Variants in FSTL5 observed in about 807,000 individuals in gnomAD.
The protein encoded by FSTL5 is follistatin like 5.
A neutral mutation model predicts 89.1 loss-of-function variants in FSTL5; 62 were observed. The ratio of observed to expected loss-of-function variants is 0.70; its 90% confidence interval spans 0.57 to 0.86. The LOEUF is 0.86. Among genes scored for constraint, FSTL5 ranks in the 40% least tolerant of loss-of-function variants. The pLI is 0.00. For synonymous variants in FSTL5, 383 were observed against 346.2 expected (o/e 1.11, Z -1.18); for missense variants, 1,057 against 1,001.6 (o/e 1.06, Z -0.75).
At chr4:161,429,937 T>G (rs1732296362) in intron 15 of FSTL5, among the ~76,000 whole-genome samples, 1 of 152,146 alleles carries the variant, frequency 6.6e-6, no homozygotes, top group African/African-American at 2.4e-5. Flanking sequence ...GATGTGACCT[T>G]TCAGACACAT....
chr4:161,907,330 A>G (rs1733566326), intron 4 of FSTL5, among the ~76,000 whole-genome samples: 1 of 152,104 alleles, frequency 6.6e-6, no homozygotes, highest in South Asian at 2.1e-4. Flanking sequence ...AATCAGTTCT[A>G]TGGCCTTATA....
chr4:162,001,946 A>G (rs571790242), intron 3 of FSTL5, among the ~76,000 whole-genome samples: 1 of 152,274 alleles, frequency 6.6e-6, no homozygotes, highest in Admixed American at 6.5e-5. Flanking sequence ...ACCTAGTCCT[A>G]AATAATATAA....
intron 11 of FSTL5, among the ~76,000 whole-genome samples, chr4:161,505,336 A>G (rs917565978): frequency 4.6e-5 from 7 of 152,198 alleles, no homozygotes; most frequent in African/African-American, 1.7e-4. Flanking sequence ...CACCTCAATA[A>G]AGTCTTTATA....
chr4:162,041,428 T>C (rs1338359702), intron 2 of FSTL5, among the ~76,000 whole-genome samples: 3 of 152,112 alleles, frequency 2.0e-5, no homozygotes, highest in Non-Finnish European at 2.9e-5. Context: ...GAAATGAAAG[T>C]AATTTTCTTA....
At chr4:161,465,047 G>T (rs1236891677) in intron 13 of FSTL5, among the ~76,000 whole-genome samples, 1 of 151,986 alleles carries the variant, frequency 6.6e-6, no homozygotes, top group Admixed American at 6.5e-5. Flanking sequence ...TACTATTGTT[G>T]ATGCCTTCAT....
intron 5 of FSTL5, among the ~76,000 whole-genome samples, chr4:161,771,589 T>A (rs1363743927): frequency 7.2e-5 from 11 of 152,130 alleles, no homozygotes; most frequent in Non-Finnish European, 1.5e-4. Context: ...GGGCCACTAC[T>A]CCTTTGCTAC....
intron 6 of FSTL5, among the ~76,000 whole-genome samples, chr4:161,707,154 G>A (rs1379247422): frequency 1.3e-5 from 2 of 151,588 alleles, no homozygotes; most frequent in Admixed American, 6.6e-5. Context: ...CATCTTTCTA[G>A]AAATACAAAT....
intron 4 of FSTL5, among the ~76,000 whole-genome samples, chr4:161,872,604 T>A (rs535896499): frequency 6.6e-6 from 1 of 152,156 alleles, no homozygotes; most frequent in Admixed American, 6.5e-5. Flanking sequence ...TTGGCACTTA[T>A]GATAAGAGTG....
intron 4 of FSTL5, among the ~76,000 whole-genome samples, chr4:161,879,372 A>C (rs1471167051): frequency 6.6e-6 from 1 of 152,166 alleles, no homozygotes; most frequent in East Asian, 1.9e-4. Flanking sequence ...ATTATTCATG[A>C]CACAGGAGCC....
intron 2 of FSTL5, among the ~76,000 whole-genome samples, chr4:162,093,863 TAG>T (rs1166830691): frequency 6.6e-6 from 1 of 152,124 alleles, no homozygotes; most frequent in Admixed American, 6.6e-5. Context: ...TAGGAAATTT[TAG>T]AGAGTCAATA....
At chr4:161,908,493 C>G (rs1340098648) in intron 4 of FSTL5, among the ~76,000 whole-genome samples, 4 of 151,870 alleles carry the variant, frequency 2.6e-5, no homozygotes, top group Non-Finnish European at 5.9e-5. Flanking sequence ...TATACTGATG[C>G]TCAATTAAAT....
chr4:162,116,537 T>G (rs1731647641), intron 1 of FSTL5, among the ~76,000 whole-genome samples: 1 of 152,150 alleles, frequency 6.6e-6, no homozygotes, highest in Non-Finnish European at 1.5e-5. Context: ...AGGCAGGAAT[T>G]TGTAGCTAAT....
intron 15 of FSTL5, among the ~76,000 whole-genome samples, chr4:161,397,770 T>C (rs1461724563): frequency 6.6e-6 from 1 of 151,498 alleles, no homozygotes; most frequent in African/African-American, 2.4e-5. Context: ...AGAGAAAATA[T>C]GACAGAAAAG....
chr4:162,068,224 AAGAGAGCCCATAT>A (rs1729426642), intron 2 of FSTL5, among the ~76,000 whole-genome samples: 2 of 152,130 alleles, frequency 1.3e-5, no homozygotes, highest in Admixed American at 6.6e-5. Context: ...GTGGAACCAA[AAGAGAGCCCATAT>A]AGCCAAGGCA....
chr4:161,859,633 A>G (rs1427384189), intron 4 of FSTL5, among the ~76,000 whole-genome samples: 1 of 152,244 alleles, frequency 6.6e-6, no homozygotes, highest in African/African-American at 2.4e-5. Context: ...AACGTAGAGT[A>G]TTAACTGCTG....
chr4:161,748,994 C>A (rs191139719), intron 6 of FSTL5, among the ~76,000 whole-genome samples: 5 of 152,126 alleles, frequency 3.3e-5, no homozygotes, highest in East Asian at 1.9e-4. Flanking sequence ...TTACACCAGT[C>A]AGAATGGCTA....
intron 7 of FSTL5, among the ~76,000 whole-genome samples, chr4:161,641,859 A>ATT (rs1273741014): frequency 1.3e-4 from 20 of 152,142 alleles, no homozygotes; most frequent in Admixed American, 1.3e-3. Context: ...AATAGTACTG[A>ATT]TTATATATAT....
intron 4 of FSTL5, among the ~76,000 whole-genome samples, chr4:161,780,759 AC>A (rs1741636022): frequency 1.3e-5 from 2 of 152,222 alleles, no homozygotes; most frequent in Admixed American, 1.3e-4. Context: ...ATCTGAGAGT[AC>A]AACCATCAGT....
chr4:161,474,545 G>GT (rs56697910), intron 13 of FSTL5, among the ~76,000 whole-genome samples: 59,323 of 144,402 alleles, frequency 0.41, 12,437 homozygotes, highest in East Asian at 0.57. Context: ...TTGTGTAGTG[G>GT]TTTTTTTTTT....
Sources: allele counts gnomAD v4.1 joint callset (sites outside exome capture counted in the v4.1 genomes callset), GRCh38; gene constraint gnomAD v4.1.1; transcripts MANE v1.5; gene names NCBI Gene and HGNC (gene_info 2026-07-23, HGNC 2026-07-21).